The following TRIP12 variants were observed in gnomAD, a reference collection of about 807,000 sequenced individuals.
The protein encoded by TRIP12 is thyroid hormone receptor interactor 12, also known as E3 ubiquitin-protein ligase TRIP12.
In TRIP12, 25 loss-of-function variants were observed where a neutral mutation model predicts 244.2. The observed-to-expected ratio is 0.10, with a 90% confidence interval of 0.07 to 0.14. The LOEUF is 0.14. Ranked by LOEUF, TRIP12 falls within the 10% of genes least tolerant of loss-of-function variation. The pLI, the probability that TRIP12 is intolerant of heterozygous loss-of-function variation, is 1.00. For missense variants in TRIP12, 1,677 were observed against 2,486.4 expected, an observed-to-expected ratio of 0.67 and a Z score of 6.92; for synonymous variants, 905 against 873.1, an observed-to-expected ratio of 1.04 and a Z score of -0.64.
Position 229,802,402 on chromosome 2 carries a change from G to C in TRIP12, c.3056C>G (p.Pro1019Arg). ...AESESLLTSP[P>R]KACTNGSGSM... The stretch of plus-strand genomic sequence containing the variant: ...TCCCGATCCATTCGTACATGCCTTT[G>C]GTGGACTTGTCAACAAAGACTCTGA... The change falls in exon 21 of 42, where the codon CCA becomes CGA. Residue 1019 changes from proline (P) to arginine (R), a missense_variant. Pro to Arg is a moderately radical substitution (Grantham distance 103). Around this residue, in one of 11 missense-constraint regions of TRIP12, gnomAD observed 572 missense variants for 867.8 expected, o/e 0.66. Coordinates refer to ENST00000675903, the MANE Select transcript of TRIP12 (RefSeq NM_001348323.3). 1 of 1,613,880 alleles carries C rather than the reference G, an allele frequency of 6.2e-7. No individual in the cohort carries two copies. Among genetic ancestry groups the C allele is most frequent in the South Asian group, 1.1e-5 (1 of 91,056 alleles).
At chr2:229,775,553 G>A (rs932677492) in intron 37 of TRIP12, among the ~76,000 whole-genome samples, 2 of 151,502 alleles carry the variant, frequency 1.3e-5, no homozygotes, top group Non-Finnish European at 1.5e-5. Flanking sequence ...CTAAAGATGT[G>A]CATTACAAAG....
intron 17 of TRIP12, 96 bp downstream of exon 17, chr2:229,807,612 A>G: frequency 7.0e-7 from 1 of 1,428,586 alleles, no homozygotes. Flanking sequence ...TTCAAAATCA[A>G]GCACATTCAA....
intron 34 of TRIP12, among the ~76,000 whole-genome samples, 161 bp from the exon 35 acceptor site, chr2:229,779,151 C>G (rs576916504): frequency 6.6e-6 from 1 of 152,320 alleles, no homozygotes; most frequent in East Asian, 1.9e-4. Flanking sequence ...CAGTCCTGGT[C>G]ACCTGAAACA....
chr2:229,785,702 A>G, intron 34 of TRIP12, 55 bp downstream of exon 34: 1 of 1,512,066 alleles, frequency 6.6e-7, no homozygotes, highest in South Asian at 1.2e-5. Context: ...CTCAAATAAC[A>G]TTTAATTAAG....
chr2:229,784,160 C>T (rs529883537), intron 34 of TRIP12, among the ~76,000 whole-genome samples: 12 of 147,816 alleles, frequency 8.1e-5, no homozygotes, highest in Non-Finnish European at 1.5e-4. Context: ...AGGACTTATA[C>T]TACCTGATTA....
chr2:229,876,875 T>C (rs901599563), intron 2 of TRIP12, among the ~76,000 whole-genome samples: 1 of 152,104 alleles, frequency 6.6e-6, no homozygotes, highest in Non-Finnish European at 1.5e-5. Flanking sequence ...TGTCTTGTGA[T>C]GACACATGAT....
At position 229,785,965 on chromosome 2, in the gene TRIP12, C is replaced by G. The variant is rs548917408; in HGVS notation, c.4996-110G>C. 9.6e-6 allele frequency: 9 copies of G among 935,692 alleles called. No homozygotes were observed. The South Asian group carries it at 1.4e-4, about 15-fold the overall frequency. The allele number at this position is 935,692 out of a possible 1,614,324, so 58.0% of individuals were successfully genotyped here. A position where few individuals can be genotyped will look rare whatever the true frequency, so the allele number is the denominator to read the frequency against. On this transcript the variant is annotated intron_variant, in intron 33 of 41. Coordinates refer to ENST00000675903, the MANE Select transcript of TRIP12 (RefSeq NM_001348323.3). ...AGAACAAGATCAACTCAATTGTTAACACTTATTTCCTTAAACAGGTAACTC... is the reference window on the plus strand; with the variant it reads ...AGAACAAGATCAACTCAATTGTTAAGACTTATTTCCTTAAACAGGTAACTC...
At chr2:229,793,249 C>T in intron 26 of TRIP12, 104 bp from the exon 27 acceptor site, 1 of 1,137,024 alleles carries the variant, frequency 8.8e-7, no homozygotes, top group Non-Finnish European at 1.2e-6. Flanking sequence ...TCATAAGACA[C>T]ACTAGTACTA....
chr2:229,771,454 G>T, intron 39 of TRIP12, 65 bp downstream of exon 39: 1 of 1,375,728 alleles, frequency 7.3e-7, no homozygotes, highest in Non-Finnish European at 1.0e-6. Context: ...CTTTGACTAG[G>T]CAGCACAGAA....
At chr2:229,865,887 T>C (rs115542790) in intron 2 of TRIP12, among the ~76,000 whole-genome samples, 2 of 152,304 alleles carry the variant, frequency 1.3e-5, no homozygotes, top group African/African-American at 4.8e-5. Flanking sequence ...AATGTTCCTA[T>C]CTTTAGTTAC....
chr2:229,793,174 G>A, intron 26 of TRIP12, 29 bp from the exon 27 acceptor site: 1 of 1,595,394 alleles, frequency 6.3e-7, no homozygotes. Context: ...AAAAAAGTTA[G>A]TCTATTATTT....
At chr2:229,851,959 T>G (rs1338033168) in intron 4 of TRIP12, among the ~76,000 whole-genome samples, 1 of 152,214 alleles carries the variant, frequency 6.6e-6, no homozygotes, top group Non-Finnish European at 1.5e-5. Context: ...TGTATCTAAC[T>G]TAAATTCATC....
At chr2:229,904,772 G>C (rs1479481314) in intron 1 of TRIP12, among the ~76,000 whole-genome samples, 1 of 152,106 alleles carries the variant, frequency 6.6e-6, no homozygotes, top group African/African-American at 2.4e-5. Flanking sequence ...TGACACCCTG[G>C]ATAGGATCCT....
intron 4 of TRIP12, among the ~76,000 whole-genome samples, chr2:229,856,075 A>G (rs2059564417): frequency 6.6e-6 from 1 of 151,302 alleles, no homozygotes; most frequent in African/African-American, 2.4e-5. Flanking sequence ...CTAAAGCACC[A>G]TTTTTTTTAA....
intron 4 of TRIP12, among the ~76,000 whole-genome samples, chr2:229,857,851 T>C (rs888312058): frequency 6.6e-6 from 1 of 152,204 alleles, no homozygotes; most frequent in Non-Finnish European, 1.5e-5. Context: ...ACAAATTCTT[T>C]CTACTCCACT....
rs1559425859 is a variant in TRIP12 at position 229,791,583 on chromosome 2, T to C, written c.4415+283A>G. ...CAACTTCAGATTACCTAATATCTTA[T>C]GGCAACATTTTTGTCTTAATTAAAG... On this transcript the variant is annotated intron_variant, in intron 29 of 41. Transcript: ENST00000675903. 3.3e-5 allele frequency among the ~76,000 whole-genome samples: 5 copies of C among 152,358 alleles called. No individual in the cohort carries two copies. In the South Asian group the frequency reaches 1.0e-3, roughly 32 times the overall value.
intron 4 of TRIP12, among the ~76,000 whole-genome samples, chr2:229,849,297 T>C (rs775133499): frequency 8.5e-5 from 13 of 152,226 alleles, no homozygotes; most frequent in Non-Finnish European, 1.8e-4. Context: ...AACATTTAGA[T>C]GTTCACGATA....
intron 1 of TRIP12, among the ~76,000 whole-genome samples, chr2:229,882,422 A>T (rs2065063089): frequency 6.6e-6 from 1 of 152,202 alleles, no homozygotes; most frequent in Admixed American, 6.5e-5. Flanking sequence ...TCAAAATATG[A>T]ATGCCTGTCC....
Position 229,824,544 on chromosome 2 carries a change from CA to C in TRIP12, c.1450+4648del, listed in dbSNP as rs773292597. On this transcript the variant is annotated intron_variant, in intron 8 of 41. Transcript: ENST00000675903. ...AAAAACTGAAAACTCAAATGTCCAA[CA>C]GGGGACTATATAAATAAACTATGTA... is the stretch of plus-strand genomic sequence containing the variant. 1.6e-4 allele frequency among the ~76,000 whole-genome samples: 24 copies of C among 152,154 alleles called. 1 individual carries two copies. The highest frequency in any genetic ancestry group is 1.4e-3 in the East Asian group (7 of 5,170).
Sources: gnomAD v4.1 joint callset for allele counts (sites outside exome capture counted in the v4.1 genomes callset) on GRCh38, gnomAD v4.1.1 for gene constraint, gnomAD v4.1.1 regional missense constraint, MANE v1.5 for transcripts, NCBI Gene and HGNC (gene_info 2026-07-23, HGNC 2026-07-21) for gene names.